The following LPP variants were observed in gnomAD, a reference collection of about 807,000 sequenced individuals.
LPP encodes the protein lipoma-preferred partner.
In LPP, 38 loss-of-function variants were observed where a neutral mutation model predicts 60.4. The ratio of observed to expected loss-of-function variants is 0.63; its 90% CI spans 0.49 to 0.83. The LOEUF is 0.83. Among genes scored for constraint, LPP ranks in the 40% least tolerant of loss-of-function variants. The probability of loss-of-function intolerance (pLI) is 0.00; values close to 1 mark genes in which losing one functional copy is unlikely to be tolerated. For missense variants in LPP, 902 were observed against 783.6 expected (o/e 1.15, Z -1.80); for synonymous variants, 328 against 290.8 (o/e 1.13, Z -1.30).
At chr3:188,739,743 C>T (rs1723760670) in intron 8 of LPP, among the ~76,000 whole-genome samples, 1 of 151,970 alleles carries the variant, frequency 6.6e-6, no homozygotes, top group South Asian at 2.1e-4. Flanking sequence ...TGGCTACAGA[C>T]AAGAATTTAC....
At chr3:188,651,502 T>G (rs1413276106) in intron 7 of LPP, among the ~76,000 whole-genome samples, 1 of 152,226 alleles carries the variant, frequency 6.6e-6, no homozygotes, top group Non-Finnish European at 1.5e-5. Flanking sequence ...AATAGTTTGT[T>G]GTGTATATTA....
At chr3:188,775,926 T>A (rs529820910) in intron 9 of LPP, among the ~76,000 whole-genome samples, 1 of 152,254 alleles carries the variant, frequency 6.6e-6, no homozygotes, top group Admixed American at 6.5e-5. Context: ...TGTCTCCACT[T>A]CCTTGGGAAA....
intron 4 of LPP, among the ~76,000 whole-genome samples, chr3:188,423,062 C>G (rs1788285689): frequency 6.6e-6 from 1 of 151,870 alleles, no homozygotes; most frequent in Admixed American, 6.6e-5. Flanking sequence ...AACCCGTCAT[C>G]TACATTAGGT....
At chr3:188,539,767 A>G (rs1026408457) in intron 6 of LPP, among the ~76,000 whole-genome samples, 3 of 152,202 alleles carry the variant, frequency 2.0e-5, no homozygotes, top group Non-Finnish European at 4.4e-5. Flanking sequence ...TCTCACCACC[A>G]ACATCATTAT....
intron 2 of LPP, among the ~76,000 whole-genome samples, chr3:188,239,140 G>C (rs942695266): frequency 2.4e-4 from 37 of 152,194 alleles, no homozygotes; most frequent in Non-Finnish European, 5.9e-5. Flanking sequence ...AGTTGCCGTG[G>C]GGTTTCCCTC....
At chr3:188,557,035 T>C (rs141929636) in intron 6 of LPP, among the ~76,000 whole-genome samples, 2 of 152,204 alleles carry the variant, frequency 1.3e-5, no homozygotes, top group African/African-American at 4.8e-5. Flanking sequence ...TGCAGGATAG[T>C]TGACCTTTGG....
intron 2 of LPP, among the ~76,000 whole-genome samples, chr3:188,240,323 G>C (rs1723715346): frequency 1.3e-5 from 2 of 151,878 alleles, no homozygotes; most frequent in South Asian, 4.2e-4. Context: ...CTGCATAAGA[G>C]TCAGGAGTTT....
chr3:188,312,144 C>T (rs1753661849), intron 2 of LPP, among the ~76,000 whole-genome samples: 1 of 149,456 alleles, frequency 6.7e-6, no homozygotes, highest in Admixed American at 6.6e-5. Context: ...TGTGTATACA[C>T]ACACACACAG....
At position 188,395,345 on chromosome 3, in the gene LPP, A is replaced by T. The variant is rs181436097; in HGVS notation, c.-9-10767A>T. On this transcript the variant is annotated intron_variant, in intron 3 of 11. Coordinates refer to ENST00000617246, the MANE Select transcript of LPP (RefSeq NM_001375462.1). ...GTGATCCTTCCACCTCAGCCTCCCGAGTAGCTGGGATTAGAGAGGCGAGCC... is the reference window on the plus strand; with the variant it reads ...GTGATCCTTCCACCTCAGCCTCCCGTGTAGCTGGGATTAGAGAGGCGAGCC... 5.2e-3 allele frequency among the ~76,000 whole-genome samples: 793 copies of T among 152,094 alleles called. 5 individuals carry two copies. Among genetic ancestry groups the T allele is most frequent in the African/African-American group, 0.018 (734 of 41,506 alleles).
At position 188,675,511 on chromosome 3, in the gene LPP, TTG is replaced by T. The variant is rs368168035; in HGVS notation, c.1114-32754_1114-32753del. On this transcript the variant is annotated intron_variant, in intron 7 of 11. Coordinates refer to ENST00000617246, the MANE Select transcript of LPP (RefSeq NM_001375462.1). ...TATATGCCTTCTGGATGATGTATGT[TTG>T]TATATGAAGGACAACACATCAAGGG... 1.1e-3 allele frequency among the ~76,000 whole-genome samples: 164 copies of T among 152,282 alleles called. 2 individuals are homozygous for T. The highest frequency in any genetic ancestry group is 3.8e-3 in the African/African-American group (159 of 41,556).
intron 8 of LPP, among the ~76,000 whole-genome samples, chr3:188,723,172 C>G (rs1025965623): frequency 6.6e-6 from 1 of 152,122 alleles, no homozygotes; most frequent in African/African-American, 2.4e-5. Context: ...CAGGATGAAT[C>G]ATAACCCACT....
intron 7 of LPP, among the ~76,000 whole-genome samples, chr3:188,671,924 T>C (rs527533194): frequency 6.6e-6 from 1 of 152,236 alleles, no homozygotes; most frequent in Non-Finnish European, 1.5e-5. Context: ...TTACTGCATT[T>C]GTGGAGCATC....
At chr3:188,310,807 T>G (rs1753163742) in intron 2 of LPP, among the ~76,000 whole-genome samples, 1 of 152,172 alleles carries the variant, frequency 6.6e-6, no homozygotes, top group South Asian at 2.1e-4. Flanking sequence ...TGTGTGTGGT[T>G]GAGCAGAGCA....
At chr3:188,415,426 C>T (rs1288435018) in intron 4 of LPP, among the ~76,000 whole-genome samples, 2 of 151,892 alleles carry the variant, frequency 1.3e-5, no homozygotes, top group African/African-American at 4.8e-5. Flanking sequence ...AGCAAATATA[C>T]CCTTTGGCAT....
intron 6 of LPP, among the ~76,000 whole-genome samples, chr3:188,582,929 T>G (rs1466468326): frequency 6.6e-6 from 1 of 152,242 alleles, no homozygotes; most frequent in Non-Finnish European, 1.5e-5. Context: ...CAGATCAGCA[T>G]CATCTTTCAT....
intron 7 of LPP, among the ~76,000 whole-genome samples, chr3:188,704,532 A>G (rs1865099069): frequency 1.3e-5 from 2 of 152,152 alleles, no homozygotes; most frequent in Admixed American, 6.5e-5. Flanking sequence ...TCTGGCCACC[A>G]GTATATTAGA....
chr3:188,621,505 AT>A (rs892837847), intron 7 of LPP, among the ~76,000 whole-genome samples: 21 of 151,858 alleles, frequency 1.4e-4, no homozygotes, highest in African/African-American at 4.4e-4. Flanking sequence ...TGATTTCATG[AT>A]TTTTTTTGAC....
intron 6 of LPP, among the ~76,000 whole-genome samples, chr3:188,529,715 A>G (rs770179517): frequency 1.3e-5 from 2 of 152,194 alleles, no homozygotes; most frequent in Non-Finnish European, 2.9e-5. Flanking sequence ...TGATTCATTG[A>G]TTCATTCACC....
At chr3:188,536,346 A>C in intron 6 of LPP, among the ~76,000 whole-genome samples, 1 of 152,072 alleles carries the variant, frequency 6.6e-6, no homozygotes, top group Non-Finnish European at 1.5e-5. Context: ...TACTGCCAGG[A>C]AGCTCTGCTT....
Sources: allele counts gnomAD v4.1 joint callset (sites outside exome capture counted in the v4.1 genomes callset), GRCh38; gene constraint gnomAD v4.1.1; transcripts MANE v1.5; gene names NCBI Gene and HGNC (gene_info 2026-07-23, HGNC 2026-07-21).